SPMIP6: variants seen among roughly 807,000 people sequenced by gnomAD.
SPMIP6 encodes the protein ciliated bronchial epithelial protein 1.
chr9:34,384,848 C>T, the SPMIP6 span, among the ~76,000 whole-genome samples: 9 of 152,032 alleles, frequency 5.9e-5, no homozygotes, highest in Non-Finnish European at 1.2e-4. Flanking sequence ...ACCATGTTTC[C>T]GAGAACCTAG....
At chr9:34,397,415 A>G in the SPMIP6 span, 1 of 1,435,174 alleles carries the variant, frequency 7.0e-7, no homozygotes, top group South Asian at 1.1e-5. Context: ...ACACAAAGCT[A>G]CAAATCATTA....
the SPMIP6 span, among the ~76,000 whole-genome samples, chr9:34,380,519 G>A: frequency 6.6e-6 from 1 of 152,164 alleles, no homozygotes; most frequent in African/African-American, 2.4e-5. Flanking sequence ...GCGTCTCTAG[G>A]GCCAGGAGTC....
At chr9:34,397,520 T>C in the SPMIP6 span, 1 of 1,614,016 alleles carries the variant, frequency 6.2e-7, no homozygotes, top group Non-Finnish European at 8.5e-7. Context: ...ACTTGTTGGC[T>C]TCCCAGGCAC....
At chr9:34,388,315 T>C in the SPMIP6 span, among the ~76,000 whole-genome samples, 12 of 150,842 alleles carry the variant, frequency 8.0e-5, no homozygotes, top group African/African-American at 2.9e-4. Context: ...TAATTTTTTT[T>C]TTTTTTTTGT....
the SPMIP6 span, among the ~76,000 whole-genome samples, chr9:34,387,832 C>T: frequency 2.0e-5 from 3 of 152,278 alleles, no homozygotes; most frequent in South Asian, 4.1e-4. Context: ...TTTGCAAACT[C>T]TAATGTCAAT....
chr9:34,387,122 G>T, the SPMIP6 span, among the ~76,000 whole-genome samples: 1 of 151,080 alleles, frequency 6.6e-6, no homozygotes, highest in African/African-American at 2.4e-5. Context: ...TAACCTCCCA[G>T]GCTCAAGTGA....
At chr9:34,381,530 C>G in the SPMIP6 span, 1 of 1,581,674 alleles carries the variant, frequency 6.3e-7, no homozygotes, top group Non-Finnish European at 8.6e-7. The surrounding 1 kb of genome is among the most constrained non-coding windows in gnomAD (Gnocchi z 4.4). Flanking sequence ...CCAGACCTAT[C>G]GCCACGCCGC....
chr9:34,380,640 G>C, the SPMIP6 span: 3 of 1,524,216 alleles, frequency 2.0e-6, no homozygotes, highest in Admixed American at 6.3e-5. Flanking sequence ...GAGAGGCCAG[G>C]TTGACCTTGA....
chr9:34,381,215 C>T, the SPMIP6 span: 7 of 1,559,348 alleles, frequency 4.5e-6, no homozygotes, highest in Non-Finnish European at 6.1e-6. The surrounding 1 kb of genome is among the most constrained non-coding windows in gnomAD (Gnocchi z 4.4). Context: ...CAGAGTGAGG[C>T]GGAGACAAAA....
At chr9:34,380,789 G>C in the SPMIP6 span, 2 of 1,544,030 alleles carry the variant, frequency 1.3e-6, no homozygotes, top group Non-Finnish European at 1.7e-6. Context: ...CGGGGCTAGA[G>C]CAGGCTGGGG....
At chr9:34,395,565 T>C in the SPMIP6 span, among the ~76,000 whole-genome samples, 1 of 152,210 alleles carries the variant, frequency 6.6e-6, no homozygotes, top group African/African-American at 2.4e-5. Flanking sequence ...GGCAATTTCA[T>C]CTCTTCCTAT....
the SPMIP6 span, chr9:34,397,493 A>G: frequency 6.8e-6 from 11 of 1,613,758 alleles, no homozygotes; most frequent in Non-Finnish European, 9.3e-6. Flanking sequence ...CCAATCTCCC[A>G]CTTACCGGAG....
At chr9:34,386,492 G>C in the SPMIP6 span, among the ~76,000 whole-genome samples, 1 of 151,882 alleles carries the variant, frequency 6.6e-6, no homozygotes, top group Non-Finnish European at 1.5e-5. Flanking sequence ...TACTCGGGAG[G>C]CTGAGGCAGG....
the SPMIP6 span, among the ~76,000 whole-genome samples, chr9:34,392,477 T>G: frequency 1.0e-5 from 1 of 96,528 alleles, no homozygotes; most frequent in African/African-American, 4.1e-5. The surrounding 1 kb of genome is among the most constrained non-coding windows in gnomAD (Gnocchi z 4.6). Flanking sequence ...GTGTGTGTGT[T>G]TAATCTGAAA....
the SPMIP6 span, chr9:34,397,560 A>T: frequency 1.9e-6 from 3 of 1,613,680 alleles, no homozygotes; most frequent in African/African-American, 4.0e-5. Context: ...GACCTCCTTG[A>T]TGGAGGTGGG....
the SPMIP6 span, chr9:34,382,550 G>T: frequency 3.6e-6 from 2 of 561,306 alleles, no homozygotes; most frequent in Non-Finnish European, 6.5e-6. Context: ...GCGCCACTGC[G>T]CTCCAGCCTG....
At chr9:34,379,816 G>C in the SPMIP6 span, 1 of 1,072,532 alleles carries the variant, frequency 9.3e-7, no homozygotes, top group South Asian at 1.4e-5. The surrounding 1 kb of genome is among the most constrained non-coding windows in gnomAD (Gnocchi z 4.2). Context: ...CCTGGGCGGC[G>C]CTTCAGGTGT....
the SPMIP6 span, chr9:34,381,839 A>T: frequency 1.1e-6 from 1 of 939,162 alleles, no homozygotes; most frequent in Non-Finnish European, 1.3e-6. This position sits in a 1 kb window ranked among gnomAD's most constrained non-coding sequence, Gnocchi z 4.4. Context: ...GGAAGTTCTA[A>T]TTCAAAAGGG....
chr9:34,381,020 T>C, the SPMIP6 span: 5 of 1,611,566 alleles, frequency 3.1e-6, no homozygotes, highest in Non-Finnish European at 4.2e-6. This position sits in a 1 kb window ranked among gnomAD's most constrained non-coding sequence, Gnocchi z 4.4. Flanking sequence ...TTCGTAACCA[T>C]GGAAGGGCAG....
Sources: allele counts gnomAD v4.1 joint callset (sites outside exome capture counted in the v4.1 genomes callset), GRCh38; gene constraint gnomAD v4.1.1; non-coding constraint Gnocchi (gnomAD v3.1); transcripts MANE v1.5; gene names NCBI Gene and HGNC (gene_info 2026-07-23, HGNC 2026-07-21).